The following FOXP1 variants were observed in gnomAD, a reference collection of about 807,000 sequenced individuals.
FOXP1 encodes the protein forkhead box protein P1.
FOXP1 carries 15 observed loss-of-function variants against 98.2 expected under a neutral mutation model. The observed-to-expected ratio is 0.15, with a 90% CI of 0.10 to 0.24. The LOEUF (loss-of-function observed/expected upper bound fraction) is 0.24. FOXP1 is among the 10% of genes least tolerant of loss of function. FOXP1 has a pLI of 1.00. For missense variants in FOXP1, 633 were observed against 848.5 expected, an observed-to-expected ratio of 0.75 and a Z score of 3.15; for synonymous variants, 371 against 314.5, an observed-to-expected ratio of 1.18 and a Z score of -1.90.
chr3:71,553,845 C>T (rs1320062815), intron 2 of FOXP1, among the ~76,000 whole-genome samples: 1 of 152,140 alleles, frequency 6.6e-6, no homozygotes, highest in Non-Finnish European at 1.5e-5. Context: ...AAAACAGAAA[C>T]TTTGTAGTTT....
chr3:71,527,561 C>T (rs1470697601), intron 2 of FOXP1, among the ~76,000 whole-genome samples: 1 of 152,226 alleles, frequency 6.6e-6, no homozygotes, highest in Non-Finnish European at 1.5e-5. Context: ...TCAAGGTCTA[C>T]ATAGACCTAG....
intron 5 of FOXP1, among the ~76,000 whole-genome samples, chr3:71,265,569 T>G (rs1295056700): frequency 1.3e-5 from 2 of 152,182 alleles, no homozygotes; most frequent in African/African-American, 4.8e-5. Context: ...ACTAGCTGAC[T>G]TGACAAATAG....
chr3:70,960,492 T>G lies in FOXP1; in HGVS notation c.1890-1101A>C, dbSNP rs57756394. Reference sequence around the variant, plus strand: ...AGAAATGTTGTTCGTAAATCATATTTACAACTGATCCTTTGCATATACAAA... The same window carrying G: ...AGAAATGTTGTTCGTAAATCATATTGACAACTGATCCTTTGCATATACAAA... On this transcript the variant is annotated intron_variant, in intron 20 of 20. Coordinates refer to ENST00000649528, the MANE Select transcript of FOXP1 (RefSeq NM_001349338.3). Among the ~76,000 whole-genome samples, 1,523 of 152,348 alleles carry G rather than the reference T, an allele frequency of 1.0e-2. 26 individuals are homozygous for G. Among genetic ancestry groups the G allele is most frequent in the African/African-American group, 0.035 (1,467 of 41,586 alleles).
At chr3:71,406,136 T>C (rs1468705122) in intron 3 of FOXP1, among the ~76,000 whole-genome samples, 2 of 152,028 alleles carry the variant, frequency 1.3e-5, no homozygotes, top group Non-Finnish European at 2.9e-5. Flanking sequence ...CCCCGATGAA[T>C]TAGTTTCATT....
intron 2 of FOXP1, among the ~76,000 whole-genome samples, chr3:71,546,260 C>T (rs1238075849): frequency 6.6e-6 from 1 of 152,136 alleles, no homozygotes; most frequent in South Asian, 2.1e-4. Flanking sequence ...CCACTTTGGC[C>T]TCATTAGCAG....
intron 3 of FOXP1, among the ~76,000 whole-genome samples, chr3:71,451,878 A>G (rs533678832): frequency 6.6e-6 from 1 of 152,316 alleles, no homozygotes; most frequent in South Asian, 2.1e-4. Context: ...TGCTAGAAGA[A>G]CTGTTAAAGC....
chr3:70,997,932 C>T (rs1168055674), intron 13 of FOXP1, among the ~76,000 whole-genome samples: 1 of 152,178 alleles, frequency 6.6e-6, no homozygotes, highest in Non-Finnish European at 1.5e-5. Context: ...TATCCCTCGT[C>T]CAGCTTTCCA....
chr3:71,354,819 G>A (rs1158010676), intron 4 of FOXP1, among the ~76,000 whole-genome samples: 2 of 152,090 alleles, frequency 1.3e-5, no homozygotes, highest in African/African-American at 2.4e-5. Context: ...TTTAATCCTC[G>A]CAATAGCTCA....
At chr3:71,423,482 C>T (rs1027867907) in intron 3 of FOXP1, among the ~76,000 whole-genome samples, 6 of 152,244 alleles carry the variant, frequency 3.9e-5, no homozygotes, top group Admixed American at 1.3e-4. Flanking sequence ...TGTCTCCCCT[C>T]GCAAACTGCT....
chr3:71,024,199 G>C (rs187150587), intron 11 of FOXP1, among the ~76,000 whole-genome samples: 5 of 152,144 alleles, frequency 3.3e-5, no homozygotes, highest in African/African-American at 4.8e-5. Flanking sequence ...GAGAAACGAC[G>C]ATGCAAGGGC....
rs553090274 is a variant in FOXP1 at position 71,430,832 on chromosome 3, G to A, written c.-168+62594C>T. Reference sequence around the variant, plus strand: ...GGGCTGTTGGGGGAGGGGAGGCGGCGGGGGGCAGGCCCATGTTTCTATGGC... The same window carrying A: ...GGGCTGTTGGGGGAGGGGAGGCGGCAGGGGGCAGGCCCATGTTTCTATGGC... On this transcript the variant is annotated intron_variant, in intron 3 of 20. Coordinates refer to ENST00000649528, the MANE Select transcript of FOXP1 (RefSeq NM_001349338.3). 3.9e-5 allele frequency among the ~76,000 whole-genome samples: 6 copies of A among 152,176 alleles called. No individual in the cohort carries two copies. In the South Asian group the frequency reaches 6.2e-4, roughly 16 times the overall value.
At chr3:71,486,047 C>T (rs1308860738) in intron 3 of FOXP1, among the ~76,000 whole-genome samples, 3 of 151,976 alleles carry the variant, frequency 2.0e-5, no homozygotes, top group South Asian at 2.1e-4. Context: ...TAAAGAACCA[C>T]GGAATCTATT....
intron 6 of FOXP1, among the ~76,000 whole-genome samples, chr3:71,118,250 C>T (rs945433749): frequency 2.0e-5 from 3 of 152,192 alleles, no homozygotes; most frequent in Non-Finnish European, 4.4e-5. Context: ...TTACTTCATT[C>T]TCATCAGTGC....
chr3:71,097,269 AT>A (rs1053313830), intron 7 of FOXP1, among the ~76,000 whole-genome samples: 1 of 152,248 alleles, frequency 6.6e-6, no homozygotes, highest in African/African-American at 2.4e-5. Flanking sequence ...TGATGTGAAA[AT>A]TATGTGAAAT....
At chr3:71,040,353 T>C (rs1327335196) in intron 11 of FOXP1, 2 of 152,216 alleles carry the variant, frequency 1.3e-5, no homozygotes, top group Non-Finnish European at 2.9e-5. Flanking sequence ...TGGCATTTAC[T>C]GTCACATACT....
At chr3:71,135,942 G>C (rs1231011193) in intron 6 of FOXP1, among the ~76,000 whole-genome samples, 2 of 152,216 alleles carry the variant, frequency 1.3e-5, no homozygotes, top group South Asian at 4.1e-4. Context: ...CCCTCCCTTT[G>C]GAGAAAGAAA....
rs112622328 is a variant in FOXP1, at chr3:71,127,138, T to C, written c.181-14501A>G. Among the ~76,000 whole-genome samples the C allele has an allele frequency of 4.6e-3, 702 of 152,258 alleles. 2 individuals carry two copies. Among genetic ancestry groups the C allele is most frequent in the Non-Finnish European group, 7.2e-3 (489 of 68,008 alleles). On this transcript the variant is annotated intron_variant, in intron 6 of 20. Transcript: ENST00000649528. Reference sequence around the variant, plus strand: ...GCTTTCAACGAAGGAGTCTGAACAGTAAATGGCACTTGTCTAATTTTTACA... The same window carrying C: ...GCTTTCAACGAAGGAGTCTGAACAGCAAATGGCACTTGTCTAATTTTTACA...
intron 5 of FOXP1, among the ~76,000 whole-genome samples, chr3:71,220,378 A>G (rs1560136004): frequency 6.6e-6 from 1 of 152,198 alleles, no homozygotes; most frequent in Non-Finnish European, 1.5e-5. Flanking sequence ...CCACTTTCAG[A>G]GTAAAGCAGA....
intron 4 of FOXP1, among the ~76,000 whole-genome samples, chr3:71,358,361 T>A (rs1446413183): frequency 6.6e-6 from 1 of 152,140 alleles, no homozygotes; most frequent in East Asian, 1.9e-4. Flanking sequence ...ACAAACCACA[T>A]TACTCAGAAA....
Sources: gnomAD v4.1 joint callset for allele counts (sites outside exome capture counted in the v4.1 genomes callset) on GRCh38, gnomAD v4.1.1 for gene constraint, MANE v1.5 for transcripts, NCBI Gene and HGNC (gene_info 2026-07-23, HGNC 2026-07-21) for gene names.